The following HACE1 variants were observed in gnomAD, a reference collection of about 807,000 sequenced individuals.
HACE1 encodes HECT domain and ankyrin repeat containing E3 ubiquitin protein ligase 1, also known as E3 ubiquitin-protein ligase HACE1.
HACE1 carries 73 observed loss-of-function variants against 118.4 expected under a neutral mutation model. The ratio of observed to expected loss-of-function variants is 0.62; its 90% CI spans 0.51 to 0.75. The LOEUF is 0.75. Among genes scored for constraint, HACE1 ranks in the 30% least tolerant of loss-of-function variants. The pLI is 0.00. For missense variants in HACE1, 749 were observed against 1,102.2 expected, an observed-to-expected ratio of 0.68 and a Z score of 4.54; for synonymous variants, 368 against 374.8, an observed-to-expected ratio of 0.98 and a Z score of 0.21.
intron 22 of HACE1, among the ~76,000 whole-genome samples, chr6:104,737,015 G>A (rs1775916734): frequency 6.6e-6 from 1 of 151,998 alleles, no homozygotes; most frequent in East Asian, 1.9e-4. Flanking sequence ...CAGGCACGGT[G>A]GCTCACACCT....
At chr6:104,826,135 A>G (rs1048022380) in intron 6 of HACE1, among the ~76,000 whole-genome samples, 11 of 152,336 alleles carry the variant, frequency 7.2e-5, no homozygotes, top group African/African-American at 2.2e-4. Flanking sequence ...ATGCCTGATG[A>G]TCTGAAGTGG....
chr6:104,849,038 C>A, intron 4 of HACE1, 104 bp downstream of exon 4: 1 of 738,510 alleles, frequency 1.4e-6, no homozygotes, highest in South Asian at 1.5e-5. Context: ...TTAGTTTTTC[C>A]CAAGGTAAAT....
intron 1 of HACE1, chr6:104,858,368 C>A: frequency 4.4e-6 from 1 of 225,190 alleles, no homozygotes. Context: ...TTACCAAAAT[C>A]TGAATTCTAA....
In HACE1 at chr6:104,750,343, A is replaced by G. The variant is rs1777906116; in HGVS notation, c.2341T>C (p.Leu781=). The change falls in exon 20 of 24, where the codon TTG becomes CTG. Residue 781 remains leucine, a splice_region_variant and synonymous_variant. Coordinates refer to ENST00000262903, the MANE Select transcript of HACE1 (RefSeq NM_020771.4). ...SLIQLFDEYE[L]ELLLSGMPEI... ...TAAGAACTGATGTTTTTCCTTACCA[A>G]TTCATATTCATCAAAAAGCTGTATG... The G allele has an allele frequency of 2.5e-6, 4 of 1,612,158 alleles. No individual in the cohort carries two copies. The East Asian group carries it at 8.9e-5, about 36-fold the overall frequency.
At chr6:104,814,999 T>C (rs954980421) in intron 6 of HACE1, among the ~76,000 whole-genome samples, 1 of 137,854 alleles carries the variant, frequency 7.3e-6, no homozygotes, top group Non-Finnish European at 1.6e-5. Flanking sequence ...TTGACTAATA[T>C]AGAAAATCAG....
chr6:104,767,995 G>A (rs1399551425), intron 19 of HACE1, among the ~76,000 whole-genome samples: 2 of 151,966 alleles, frequency 1.3e-5, no homozygotes, highest in African/African-American at 4.8e-5. Context: ...CTAAATGCTA[G>A]AACTGAAAAT....
At position 104,771,873 on chromosome 6, in the gene HACE1, GA is replaced by G. The variant is rs76828183; in HGVS notation, c.2014+51del. ...CTGCTTATCTAGTTTTCCTCAAACT[GA>G]AAAAAAAACAATATAAATAAATGTC... On this transcript the variant is annotated intron_variant, in intron 18 of 23. Coordinates refer to ENST00000262903, the MANE Select transcript of HACE1 (RefSeq NM_020771.4). The G allele has an allele frequency of 3.9e-5, 48 of 1,240,940 alleles. 1 individual carries two copies. The highest frequency in any genetic ancestry group is 2.8e-4 in the South Asian group (21 of 76,292). The allele number at this position is 1,240,940 out of a possible 1,614,324, so 76.9% of individuals were successfully genotyped here.
At chr6:104,753,542 C>T (rs940839894) in intron 19 of HACE1, among the ~76,000 whole-genome samples, 2 of 152,160 alleles carry the variant, frequency 1.3e-5, no homozygotes, top group Non-Finnish European at 2.9e-5. Context: ...GAGGAAGGAC[C>T]TGCCTGCCAT....
Position 104,744,206 on chromosome 6 carries a change from T to C in HACE1, c.2467A>G (p.Ile823Val), listed in dbSNP as rs745787717. The change falls in exon 22 of 24, where the codon ATT becomes GTT. Residue 823 changes from isoleucine to valine, a missense_variant. Physicochemically the swap from Ile to Val is conservative, Grantham distance 29. Transcript: ENST00000262903. ...AGAAGAACTCTCTCCTCTTGAGTAA[T>C]GTCTTCTACAACTTCCCAGAACCAC... is the stretch of plus-strand genomic sequence containing the variant. ...IQWFWEVVEDITQEERVLLLQ... is the reference protein window; with the variant it reads ...IQWFWEVVEDVTQEERVLLLQ... 3.7e-6 allele frequency: 6 copies of C among 1,604,200 alleles called. No homozygotes were observed. The Admixed American group carries it at 5.0e-5, about 13-fold the overall frequency.
rs531898925 is a variant in HACE1 at position 104,745,267 on chromosome 6, T to G, written c.2344-657A>C. On this transcript the variant is annotated intron_variant, in intron 20 of 23. Coordinates refer to ENST00000262903, the MANE Select transcript of HACE1 (RefSeq NM_020771.4). ...TCAAAGACACAAAATCTCAATCGTA[T>G]AAGTAAAAATGAAATTAAGAATGGC... Among the ~76,000 whole-genome samples the G allele has an allele frequency of 1.2e-4, 19 of 152,234 alleles. No homozygotes were observed. In the East Asian group the frequency reaches 3.7e-3, roughly 29 times the overall value.
intron 19 of HACE1, among the ~76,000 whole-genome samples, chr6:104,769,728 C>T (rs1331452774): frequency 1.3e-5 from 2 of 152,008 alleles, no homozygotes; most frequent in Non-Finnish European, 2.9e-5. Context: ...CCAGTTTTGC[C>T]ATTAACTCTT....
chr6:104,808,374 A>C (rs1771250429), intron 7 of HACE1, among the ~76,000 whole-genome samples: 1 of 152,188 alleles, frequency 6.6e-6, no homozygotes, highest in Non-Finnish European at 1.5e-5. Flanking sequence ...TATAGAAGCC[A>C]TCACATTTAA....
chr6:104,785,499 C>T (rs1782289432), intron 11 of HACE1, 180 bp from the exon 12 acceptor site: 1 of 563,986 alleles, frequency 1.8e-6, no homozygotes, highest in African/African-American at 1.9e-5. Context: ...ACAAATGCTA[C>T]ATAAATGACA....
At chr6:104,851,793 CA>C (rs1776234202) in intron 2 of HACE1, among the ~76,000 whole-genome samples, 1 of 151,976 alleles carries the variant, frequency 6.6e-6, no homozygotes, top group Non-Finnish European at 1.5e-5. Flanking sequence ...CTTCTTATAT[CA>C]AAAAATTCAA....
At chr6:104,733,783 T>C (rs955423149) in intron 22 of HACE1, among the ~76,000 whole-genome samples, 8 of 150,094 alleles carry the variant, frequency 5.3e-5, no homozygotes, top group Admixed American at 5.3e-4. Context: ...GAAGTTGCAG[T>C]GAGCTGAGAT....
chr6:104,742,267 T>C (rs1322627356), intron 22 of HACE1, among the ~76,000 whole-genome samples: 3 of 137,362 alleles, frequency 2.2e-5, no homozygotes, highest in African/African-American at 9.2e-5. Flanking sequence ...ACTTCATGTC[T>C]AAAACACCAA....
chr6:104,729,834 GA>G, intron 23 of HACE1, 70 bp from the exon 24 acceptor site: 1 of 760,136 alleles, frequency 1.3e-6, no homozygotes, highest in Non-Finnish European at 2.4e-6. Flanking sequence ...GCCTAGCAGT[GA>G]AAACACTACT....
At chr6:104,819,578 A>G (rs1449405301) in intron 6 of HACE1, among the ~76,000 whole-genome samples, 1 of 152,134 alleles carries the variant, frequency 6.6e-6, no homozygotes, top group Non-Finnish European at 1.5e-5. Context: ...GCCCAAACAG[A>G]CACGGCAATC....
intron 6 of HACE1, among the ~76,000 whole-genome samples, chr6:104,829,568 C>T (rs1241943146): frequency 6.6e-6 from 1 of 152,106 alleles, no homozygotes; most frequent in Non-Finnish European, 1.5e-5. Context: ...TAAGCATTCC[C>T]TTTATGTTTA....
Sources: allele counts gnomAD v4.1 joint callset (sites outside exome capture counted in the v4.1 genomes callset), GRCh38; gene constraint gnomAD v4.1.1; transcripts MANE v1.5; gene names NCBI Gene and HGNC (gene_info 2026-07-23, HGNC 2026-07-21).